Variants in CHD6 observed in about 807,000 individuals in gnomAD.
CHD6 encodes the protein ATP-dependent chromatin remodeler CHD6.
In CHD6, 50 loss-of-function variants were observed where a neutral mutation model predicts 276.9. That is an observed-to-expected ratio of 0.18 (90% CI 0.14 to 0.23). The LOEUF (loss-of-function observed/expected upper bound fraction) is 0.23, where lower values mean the gene tolerates loss of function less well. CHD6 is among the 10% of genes least tolerant of loss of function. CHD6 has a pLI of 1.00. For missense variants in CHD6, 2,564 were observed against 3,365.8 expected, an observed-to-expected ratio of 0.76 and a Z score of 5.89; for synonymous variants, 1,173 against 1,229.3, an observed-to-expected ratio of 0.95 and a Z score of 0.96.
Position 41,403,865 on chromosome 20 carries a change from G to A in CHD6, c.*728C>T, listed in dbSNP as rs556718795. 3 of 1,057,418 alleles carry A rather than the reference G, an allele frequency of 2.8e-6. No homozygotes were observed. The highest frequency in any genetic ancestry group is 3.4e-6 in the Non-Finnish European group (3 of 874,280). The allele number at this position is 1,057,418 out of a possible 1,614,324, so 65.5% of individuals were successfully genotyped here. On this transcript the variant is annotated 3_prime_UTR_variant, in exon 37 of 37. Coordinates refer to ENST00000373233, the MANE Select transcript of CHD6 (RefSeq NM_032221.5). Reference sequence around the variant, plus strand: ...CGTCGACAGCAATAACTCATGGTGGGTAAAGCTTTCTCGCAGCAAGAGGAA... The same window carrying A: ...CGTCGACAGCAATAACTCATGGTGGATAAAGCTTTCTCGCAGCAAGAGGAA...
intron 2 of CHD6, among the ~76,000 whole-genome samples, chr20:41,534,740 A>G (rs1414666644): frequency 6.6e-6 from 1 of 152,210 alleles, no homozygotes; most frequent in Non-Finnish European, 1.5e-5. Flanking sequence ...TTGCTGATTG[A>G]GCACTTGAGA....
chr20:41,403,487 G>A lies in CHD6; in HGVS notation c.*1106C>T. Reference sequence around the variant, plus strand: ...GATTAACTGATAATTTGGAATTTGGGTCCAACTGTAAGATATAAACAGAAT... The same window carrying A: ...GATTAACTGATAATTTGGAATTTGGATCCAACTGTAAGATATAAACAGAAT... On this transcript the variant is annotated 3_prime_UTR_variant, in exon 37 of 37. Transcript: ENST00000373233. 9.4e-7 allele frequency: 1 copy of A among 1,062,184 alleles called. No individual in the cohort carries two copies. 65.8% of individuals were successfully genotyped at this position (1,062,184 alleles called of 1,614,324 possible). A position where few individuals can be genotyped will look rare whatever the true frequency, so the allele number is the denominator to read the frequency against.
At chr20:41,611,875 T>TTTGG in intron 1 of CHD6, among the ~76,000 whole-genome samples, 1 of 152,314 alleles carries the variant, frequency 6.6e-6, no homozygotes, top group East Asian at 1.9e-4. Flanking sequence ...TGACCTCAGG[T>TTTGG]GATCGACCTG....
chr20:41,435,920 T>C (rs981648875), intron 27 of CHD6, among the ~76,000 whole-genome samples: 1 of 152,178 alleles, frequency 6.6e-6, no homozygotes, highest in African/African-American at 2.4e-5. Flanking sequence ...CAAATAGATA[T>C]ATGGAAAAGA....
intron 36 of CHD6, among the ~76,000 whole-genome samples, chr20:41,407,771 G>A (rs1034437711): frequency 8.5e-5 from 13 of 152,202 alleles, no homozygotes; most frequent in Non-Finnish European, 1.0e-4. Context: ...CGAGGGGAAC[G>A]GCTGTCAGAG....
intron 17 of CHD6, among the ~76,000 whole-genome samples, chr20:41,467,291 A>T (rs1033915194): frequency 2.0e-5 from 3 of 150,404 alleles, no homozygotes; most frequent in Non-Finnish European, 4.4e-5. Context: ...AGAACTCAAT[A>T]AAAAAAAACA....
chr20:41,474,346 T>C (rs1278737798), intron 16 of CHD6, among the ~76,000 whole-genome samples: 1 of 152,102 alleles, frequency 6.6e-6, no homozygotes, highest in East Asian at 1.9e-4. Flanking sequence ...CCCATGCCCA[T>C]CTAGAGGGAA....
Position 41,413,495 on chromosome 20 carries a change from C to T in CHD6, c.6960G>A (p.Gly2320=). The T allele has an allele frequency of 3.2e-6, 5 of 1,580,972 alleles. No homozygotes were observed. Among genetic ancestry groups the T allele is most frequent in the Non-Finnish European group, 4.3e-6 (5 of 1,163,596 alleles). Residue 2320 remains glycine, a synonymous_variant, in exon 35 of 37, where the codon GGG becomes GGA. Coordinates refer to ENST00000373233, the MANE Select transcript of CHD6 (RefSeq NM_032221.5). The part of the protein sequence containing the change: ...AGILEVHEDP[G]QATLSTTHPE... ...GGTGTGTGGTGCTCAAGGTGGCCTG[C>T]CCTGGGTCTTCATGGACTTCCTGGA...
At chr20:41,535,712 A>G (rs1187146236) in intron 2 of CHD6, among the ~76,000 whole-genome samples, 1 of 152,076 alleles carries the variant, frequency 6.6e-6, no homozygotes, top group Non-Finnish European at 1.5e-5. Context: ...AAAAAATTTA[A>G]AACATTTGCC....
intron 1 of CHD6, among the ~76,000 whole-genome samples, chr20:41,612,202 G>A (rs1430900110): frequency 2.6e-5 from 4 of 152,164 alleles, no homozygotes; most frequent in Non-Finnish European, 5.9e-5. Flanking sequence ...TACTCACCTT[G>A]TCAGACAGGT....
intron 3 of CHD6, among the ~76,000 whole-genome samples, chr20:41,519,255 C>T (rs1430255459): frequency 6.6e-6 from 1 of 151,778 alleles, no homozygotes. Context: ...TGCACTCCAA[C>T]CTGACTGTCA....
chr20:41,542,586 A>G (rs927167851), intron 2 of CHD6, among the ~76,000 whole-genome samples: 3 of 152,160 alleles, frequency 2.0e-5, no homozygotes, highest in African/African-American at 2.4e-5. Flanking sequence ...CCAGCTACTC[A>G]GGAGGCTGAG....
chr20:41,588,590 G>A (rs1226129074), intron 1 of CHD6, among the ~76,000 whole-genome samples: 1 of 152,156 alleles, frequency 6.6e-6, no homozygotes, highest in African/African-American at 2.4e-5. Flanking sequence ...TAAAGACGTA[G>A]AAAACTACTA....
At chr20:41,532,957 C>G in intron 3 of CHD6, 93 bp downstream of exon 3, 4 of 1,392,526 alleles carry the variant, frequency 2.9e-6, no homozygotes, top group Non-Finnish European at 3.8e-6. Flanking sequence ...AGGAGTGCAG[C>G]AGGGTTATGC....
chr20:41,415,062 A>AGAC, intron 34 of CHD6, 124 bp downstream of exon 34: 5 of 1,479,724 alleles, frequency 3.4e-6, no homozygotes, highest in Non-Finnish European at 4.5e-6. Context: ...TAATGAGAGA[A>AGAC]AATAAAGCAG....
At chr20:41,504,080 A>T (rs978346365) in intron 5 of CHD6, among the ~76,000 whole-genome samples, 2 of 141,120 alleles carry the variant, frequency 1.4e-5, no homozygotes, top group African/African-American at 2.8e-5. Context: ...TCTGTCTCAA[A>T]AAAAAAAAAA....
At chr20:41,464,917 C>T (rs1195182228) in intron 17 of CHD6, among the ~76,000 whole-genome samples, 10 of 152,082 alleles carry the variant, frequency 6.6e-5, no homozygotes, top group African/African-American at 2.2e-4. Context: ...AAAGGAGCTA[C>T]CAACGGCCAA....
intron 6 of CHD6, among the ~76,000 whole-genome samples, chr20:41,498,512 C>G (rs1031038870): frequency 2.0e-5 from 3 of 152,146 alleles, no homozygotes; most frequent in African/African-American, 7.2e-5. Flanking sequence ...TGAGAAATGT[C>G]AGGACCAGAG....
chr20:41,554,475 G>A (rs557888653), intron 1 of CHD6, among the ~76,000 whole-genome samples: 1 of 151,856 alleles, frequency 6.6e-6, no homozygotes, highest in Non-Finnish European at 1.5e-5. Context: ...ATAGTGGAGG[G>A]AAGGTCAGCA....
Sources: gnomAD v4.1 joint callset for allele counts (sites outside exome capture counted in the v4.1 genomes callset) on GRCh38, gnomAD v4.1.1 for gene constraint, MANE v1.5 for transcripts, NCBI Gene and HGNC (gene_info 2026-07-23, HGNC 2026-07-21) for gene names.